MAGI2: variants seen among roughly 807,000 people sequenced by gnomAD.
MAGI2 encodes membrane associated guanylate kinase, WW and PDZ domain containing 2.
In MAGI2, 35 loss-of-function variants were observed where a neutral mutation model predicts 133.3. That is an observed-to-expected ratio of 0.26 (90% CI 0.20 to 0.35). MAGI2 has a LOEUF of 0.35. Among genes scored for constraint, MAGI2 ranks in the 10% least tolerant of loss-of-function variants. The probability of loss-of-function intolerance (pLI) is 1.00; values close to 1 mark genes in which losing one functional copy is unlikely to be tolerated. For missense variants in MAGI2, 1,636 were observed against 1,863.4 expected (o/e 0.88, Z 2.25); for synonymous variants, 729 against 710.6 (o/e 1.03, Z -0.41).
At chr7:79,437,774 A>G (rs1202119277) in intron 1 of MAGI2, among the ~76,000 whole-genome samples, 4 of 152,154 alleles carry the variant, frequency 2.6e-5, no homozygotes, top group African/African-American at 9.6e-5. Context: ...ATTGTCAAAG[A>G]TGGAATTTTT....
chr7:78,227,883 T>TG lies in MAGI2; in HGVS notation c.2048-26691_2048-26690insC, dbSNP rs1563292086. 3.4e-5 allele frequency among the ~76,000 whole-genome samples: 5 copies of TG among 149,212 alleles called. 1 individual carries two copies. In the South Asian group the frequency reaches 1.1e-3, roughly 32 times the overall value. ...GTGTGTGTGTGTGTGTGTGTGTGTG[T>TG]TTTAAACCCTTAGAAGCATCATTGG... On this transcript the variant is annotated intron_variant, in intron 10 of 21. Coordinates refer to ENST00000354212, the MANE Select transcript of MAGI2 (RefSeq NM_012301.4).
chr7:78,890,411 T>C (rs1193539279), intron 2 of MAGI2, among the ~76,000 whole-genome samples: 4 of 152,050 alleles, frequency 2.6e-5, no homozygotes, highest in South Asian at 2.1e-4. Flanking sequence ...CACCCCAAAT[T>C]AACAGAATAT....
At chr7:78,344,391 T>A (rs2151187440) in intron 8 of MAGI2, among the ~76,000 whole-genome samples, 1 of 152,178 alleles carries the variant, frequency 6.6e-6, no homozygotes, top group East Asian at 1.9e-4. Context: ...GATCCTAAAC[T>A]AAGCCTTGAA....
intron 2 of MAGI2, among the ~76,000 whole-genome samples, chr7:78,953,296 G>T (rs1236986798): frequency 2.0e-5 from 3 of 152,124 alleles, no homozygotes; most frequent in Non-Finnish European, 2.9e-5. Context: ...AGCAACCCAA[G>T]AGGGCAGTAA....
At chr7:78,313,652 A>G (rs1387892526) in intron 9 of MAGI2, among the ~76,000 whole-genome samples, 1 of 151,840 alleles carries the variant, frequency 6.6e-6, no homozygotes, top group African/African-American at 2.4e-5. Context: ...CAAGAAATTT[A>G]TGGAAGGGGA....
intron 1 of MAGI2, among the ~76,000 whole-genome samples, chr7:79,176,784 A>T (rs11978598): frequency 0.054 from 8,261 of 151,976 alleles, 465 homozygotes; most frequent in East Asian, 0.16. Context: ...ATAATTTTTT[A>T]AAAAAATCAC....
chr7:78,433,257 C>T (rs900876874), intron 6 of MAGI2, among the ~76,000 whole-genome samples: 10 of 152,148 alleles, frequency 6.6e-5, no homozygotes, highest in African/African-American at 2.2e-4. Flanking sequence ...TTAATGGATA[C>T]ATTTAGCATT....
rs962598832 is a variant in MAGI2 at position 78,477,137 on chromosome 7, G to T, written c.1045+12624C>A. On this transcript the variant is annotated intron_variant, in intron 6 of 21. Coordinates refer to ENST00000354212, the MANE Select transcript of MAGI2 (RefSeq NM_012301.4). ...GAGAGAACTTTATATATTCAGATCA[G>T]TGCTTCACCTTTCTATTTTGCTTTC... Among the ~76,000 whole-genome samples the T allele has an allele frequency of 3.3e-5, 5 of 151,620 alleles. No individual in the cohort carries two copies. In the South Asian group the frequency reaches 6.2e-4, roughly 19 times the overall value.
chr7:79,157,749 T>C (rs1823926376), intron 1 of MAGI2, among the ~76,000 whole-genome samples: 1 of 151,838 alleles, frequency 6.6e-6, no homozygotes, highest in Non-Finnish European at 1.5e-5. Flanking sequence ...TTGCCAACTA[T>C]AGGGATCCTA....
chr7:78,859,529 G>A (rs1003316195), intron 2 of MAGI2, among the ~76,000 whole-genome samples: 25 of 152,252 alleles, frequency 1.6e-4, no homozygotes, highest in Admixed American at 1.5e-3. Flanking sequence ...GAAATTCTGG[G>A]TTGAAAATTC....
chr7:78,563,037 T>C (rs191753206), intron 3 of MAGI2, among the ~76,000 whole-genome samples: 1 of 152,000 alleles, frequency 6.6e-6, no homozygotes, highest in Non-Finnish European at 1.5e-5. Flanking sequence ...TTGTAATTTC[T>C]TGCCAGAAAG....
At chr7:78,259,887 G>A (rs150748008) in intron 9 of MAGI2, among the ~76,000 whole-genome samples, 250 of 152,256 alleles carry the variant, frequency 1.6e-3, no homozygotes, top group African/African-American at 5.6e-3. Context: ...GTTTTAATGT[G>A]ATCTTGCTAT....
intron 1 of MAGI2, among the ~76,000 whole-genome samples, chr7:79,360,774 G>A (rs1384987622): frequency 6.6e-6 from 1 of 151,984 alleles, no homozygotes; most frequent in Non-Finnish European, 1.5e-5. Flanking sequence ...GTAGCCAAAG[G>A]AAGGCAAGAG....
intron 10 of MAGI2, among the ~76,000 whole-genome samples, chr7:78,214,265 C>A (rs1211045854): frequency 2.6e-5 from 4 of 152,212 alleles, no homozygotes; most frequent in Non-Finnish European, 5.9e-5. Flanking sequence ...ATCTGAGGAT[C>A]CCAAGTATGT....
At chr7:78,924,282 A>C (rs1222690708) in intron 2 of MAGI2, among the ~76,000 whole-genome samples, 18 of 152,100 alleles carry the variant, frequency 1.2e-4, no homozygotes, top group South Asian at 2.1e-4. Flanking sequence ...CAGTTTTCAA[A>C]GGGAATGTTT....
intron 3 of MAGI2, among the ~76,000 whole-genome samples, chr7:78,529,668 G>GTTTTT (rs554010061): frequency 0.032 from 1,806 of 57,332 alleles, 455 homozygotes; most frequent in Non-Finnish European, 0.045. Flanking sequence ...AAAGGAGATG[G>GTTTTT]TTTTTTTTTT....
At position 78,320,706 on chromosome 7, in the gene MAGI2, C is replaced by A. The variant is rs567356567; in HGVS notation, c.1408+23072G>T. On this transcript the variant is annotated intron_variant, in intron 9 of 21. Transcript: ENST00000354212. ...AAACTGGAAGTACTCCCTTGGAAAA[C>A]TGGCACAAGACAAGGATGCCCTCTC... 1.9e-3 allele frequency among the ~76,000 whole-genome samples: 284 copies of A among 152,272 alleles called. 1 individual carries two copies. The South Asian group carries it at 0.019, about 10-fold the overall frequency.
At chr7:79,153,605 G>A (rs1030937877) in intron 1 of MAGI2, among the ~76,000 whole-genome samples, 1 of 152,156 alleles carries the variant, frequency 6.6e-6, no homozygotes, top group Non-Finnish European at 1.5e-5. Flanking sequence ...GGTGAGTTAC[G>A]GCTGGAGGAC....
At chr7:78,139,024 A>T (rs1345938057) in intron 16 of MAGI2, among the ~76,000 whole-genome samples, 1 of 152,252 alleles carries the variant, frequency 6.6e-6, no homozygotes, top group Non-Finnish European at 1.5e-5. Context: ...GCTCATGGTA[A>T]TAACTTAGTT....
Sources: allele counts gnomAD v4.1 joint callset (sites outside exome capture counted in the v4.1 genomes callset), GRCh38; gene constraint gnomAD v4.1.1; transcripts MANE v1.5; gene names NCBI Gene and HGNC (gene_info 2026-07-23, HGNC 2026-07-21).